The following PTPN3 variants were observed in gnomAD, a reference collection of about 807,000 sequenced individuals.
PTPN3 encodes tyrosine-protein phosphatase non-receptor type 3.
In PTPN3, 96 loss-of-function variants were observed where a neutral mutation model predicts 132.7. That is an observed-to-expected ratio of 0.72 (90% CI 0.61 to 0.86). The LOEUF (loss-of-function observed/expected upper bound fraction) is 0.86, where lower values mean the gene tolerates loss of function less well. Among genes scored for constraint, PTPN3 ranks in the 40% least tolerant of loss-of-function variants. PTPN3 has a pLI of 0.00. For missense variants in PTPN3, 1,125 were observed against 1,159.6 expected, an observed-to-expected ratio of 0.97 and a Z score of 0.43; for synonymous variants, 398 against 429.0, an observed-to-expected ratio of 0.93 and a Z score of 0.89.
chr9:109,489,137 C>T (rs1178342794), intron 1 of PTPN3, among the ~76,000 whole-genome samples: 2 of 152,232 alleles, frequency 1.3e-5, no homozygotes, highest in Non-Finnish European at 2.9e-5. Flanking sequence ...GTGGGAAGCA[C>T]AGCTGGCTTG....
At chr9:109,492,683 C>T (rs1207708747) in intron 1 of PTPN3, among the ~76,000 whole-genome samples, 1 of 152,128 alleles carries the variant, frequency 6.6e-6, no homozygotes, top group Non-Finnish European at 1.5e-5. Flanking sequence ...GTTGAGAGGC[C>T]AGGGGAAAAA....
At chr9:109,438,750 A>AT (rs748935994) in intron 7 of PTPN3, among the ~76,000 whole-genome samples, 18 of 152,276 alleles carry the variant, frequency 1.2e-4, no homozygotes, top group Non-Finnish European at 1.8e-4. Context: ...ATCCTGACCC[A>AT]TCCCCTGGGA....
intron 19 of PTPN3, among the ~76,000 whole-genome samples, chr9:109,396,240 G>A (rs1694920684): frequency 2.0e-5 from 3 of 152,212 alleles, no homozygotes; most frequent in African/African-American, 4.8e-5. Flanking sequence ...ACTGCTCTGA[G>A]AAGGCGGAGG....
chr9:109,429,112 G>C (rs746193955), intron 10 of PTPN3: 3 of 945,838 alleles, frequency 3.2e-6, no homozygotes, highest in Non-Finnish European at 2.5e-6. Flanking sequence ...CTTAACATTT[G>C]CAAGATAACA....
chr9:109,426,273 G>T (rs1588402763), intron 12 of PTPN3, among the ~76,000 whole-genome samples: 1 of 148,152 alleles, frequency 6.7e-6, no homozygotes, highest in African/African-American at 2.5e-5. Context: ...ATCTAAATTA[G>T]AATTTAAAAA....
At chr9:109,422,161 T>C (rs1317076935) in intron 13 of PTPN3, among the ~76,000 whole-genome samples, 2 of 152,212 alleles carry the variant, frequency 1.3e-5, no homozygotes, top group African/African-American at 4.8e-5. Context: ...AACCTGAGTT[T>C]AGGTCTTTCT....
chr9:109,394,169 A>G (rs1210897830), intron 19 of PTPN3, among the ~76,000 whole-genome samples: 1 of 152,260 alleles, frequency 6.6e-6, no homozygotes, highest in African/African-American at 2.4e-5. Context: ...TTTTAGTTCT[A>G]ACTGATTAAG....
chr9:109,523,335 CCATCTCTTGACCTTGTGGTCCG>C, the PTPN3 span, among the ~76,000 whole-genome samples: 1 of 152,228 alleles, frequency 6.6e-6, no homozygotes, highest in South Asian at 2.1e-4. Context: ...AGGATGGTCT[CCATCTCTTGACCTTGTGGTCCG>C]CCTGCCTTGG....
intron 1 of PTPN3, among the ~76,000 whole-genome samples, chr9:109,490,725 C>A (rs67657306): frequency 6.6e-6 from 1 of 150,762 alleles, no homozygotes; most frequent in South Asian, 2.1e-4. Context: ...GGCGACAGAG[C>A]GAGACTCCAT....
At chr9:109,432,858 C>T (rs749014184) in intron 10 of PTPN3, among the ~76,000 whole-genome samples, 5 of 152,154 alleles carry the variant, frequency 3.3e-5, no homozygotes. Context: ...TCCCAAACCA[C>T]AGGGTGAGTT....
At chr9:109,505,558 C>T in the PTPN3 span, among the ~76,000 whole-genome samples, 959 of 152,282 alleles carry the variant, frequency 6.3e-3, 12 homozygotes, top group African/African-American at 0.022. Context: ...GGATTACAGG[C>T]GTGAGCCACT....
chr9:109,537,026 G>A, the PTPN3 span, among the ~76,000 whole-genome samples: 2 of 152,234 alleles, frequency 1.3e-5, no homozygotes, highest in African/African-American at 2.4e-5. Flanking sequence ...GCAGGGCATG[G>A]ACCTGGCTCC....
At chr9:109,480,786 C>G (rs1344568427) in intron 1 of PTPN3, among the ~76,000 whole-genome samples, 1 of 152,128 alleles carries the variant, frequency 6.6e-6, no homozygotes, top group Non-Finnish European at 1.5e-5. Flanking sequence ...GAGCTAACAT[C>G]CCTACACAAA....
chr9:109,509,358 A>G, the PTPN3 span, among the ~76,000 whole-genome samples: 2 of 152,166 alleles, frequency 1.3e-5, no homozygotes, highest in Non-Finnish European at 2.9e-5. Flanking sequence ...GGCAACCTTC[A>G]TATTTCTCTC....
intron 16 of PTPN3, among the ~76,000 whole-genome samples, chr9:109,408,796 A>ATATATATATATATATATATATATATAT (rs1554783378): frequency 1.8e-5 from 2 of 108,374 alleles, no homozygotes; most frequent in Admixed American, 1.0e-4. Context: ...AAAAAAAAAA[A>ATATATATATATATATATATATATATAT]ATATATATAT....
intron 4 of PTPN3, 131 bp downstream of exon 4, chr9:109,457,042 G>A (rs1588460109): frequency 1.1e-6 from 1 of 885,698 alleles, no homozygotes; most frequent in East Asian, 2.6e-5. Context: ...GGAGAAGTCG[G>A]CTCACTCATG....
In PTPN3 at chr9:109,389,254, C is replaced by G. The variant is rs148827369; in HGVS notation, c.2232G>C (p.Thr744=). 1 of 1,614,150 alleles carries G rather than the reference C, an allele frequency of 6.2e-7. No individual in the cohort carries two copies. Among genetic ancestry groups the G allele is most frequent in the Non-Finnish European group, 8.5e-7 (1 of 1,180,016 alleles). Residue 744 remains threonine (T), a synonymous_variant, in exon 22 of 26, where the codon ACG becomes ACC. Coordinates refer to ENST00000374541, the MANE Select transcript of PTPN3 (RefSeq NM_002829.4). ...TTACCCGCCCTCGTTCTGTGAGAGT[C>G]GTCAACATGACAATGAGTGACAACT... is the stretch of plus-strand genomic sequence containing the variant. ...DQKLSLIVML[T]TLTERGRTKC...
the PTPN3 span, among the ~76,000 whole-genome samples, chr9:109,526,063 A>G: frequency 3.9e-5 from 6 of 152,212 alleles, no homozygotes; most frequent in African/African-American, 1.2e-4. Flanking sequence ...TGTGTATTAT[A>G]TATACTAGCA....
At chr9:109,512,303 TG>T in the PTPN3 span, among the ~76,000 whole-genome samples, 2 of 152,200 alleles carry the variant, frequency 1.3e-5, no homozygotes, top group Non-Finnish European at 2.9e-5. Flanking sequence ...AAGAAGCTCC[TG>T]GGTGCAGCTG....
Sources: allele counts gnomAD v4.1 joint callset (sites outside exome capture counted in the v4.1 genomes callset), GRCh38; gene constraint gnomAD v4.1.1; transcripts MANE v1.5; gene names NCBI Gene and HGNC (gene_info 2026-07-23, HGNC 2026-07-21).